The following UCK1 variants were observed in gnomAD, a reference collection of about 807,000 sequenced individuals.
The protein encoded by UCK1 is uridine-cytidine kinase 1, also known as cytidine monophosphokinase 1.
Under a neutral mutation model 34.0 loss-of-function variants are expected in UCK1, and 20 were observed. The ratio of observed to expected loss-of-function variants is 0.59; its 90% CI spans 0.41 to 0.86. The LOEUF is 0.86. UCK1 is among the 40% of genes least tolerant of loss of function. UCK1 has a pLI of 0.00. For synonymous variants in UCK1, 168 were observed against 155.9 expected (o/e 1.08, Z -0.58); for missense variants, 343 against 383.6 (o/e 0.89, Z 0.88).
Position 131,524,712 on chromosome 9 carries a change from C to A in UCK1, c.*328G>T. The A allele has an allele frequency of 3.8e-6, 1 of 264,352 alleles. No individual in the cohort carries two copies. Among genetic ancestry groups the A allele is most frequent in the African/African-American group, 2.3e-5 (1 of 44,202 alleles). The allele number at this position is 264,352 out of a possible 1,614,324, so 16.4% of individuals were successfully genotyped here. On this transcript the variant is annotated 3_prime_UTR_variant, in exon 7 of 7. Coordinates refer to ENST00000372215, the MANE Select transcript of UCK1 (RefSeq NM_031432.5). ...GGCCAGCCAGTGTCTAGGCTGTCTC[C>A]TCAATTTCCCCAATAATGTGCCTCA...
chr9:131,530,422 C>G, intron 2 of UCK1, 64 bp downstream of exon 2: 1 of 1,595,330 alleles, frequency 6.3e-7, no homozygotes, highest in South Asian at 1.1e-5. Flanking sequence ...GGCCCAAGCG[C>G]AGCTGGTTAG....
At chr9:131,527,795 T>C (rs1331795304) in intron 5 of UCK1, among the ~76,000 whole-genome samples, 1 of 152,098 alleles carries the variant, frequency 6.6e-6, no homozygotes, top group Non-Finnish European at 1.5e-5. Flanking sequence ...AAGGATCGCT[T>C]GAGCTTAGGA....
chr9:131,530,358 C>T, intron 2 of UCK1, 128 bp downstream of exon 2: 2 of 1,113,496 alleles, frequency 1.8e-6, no homozygotes, highest in Non-Finnish European at 2.6e-6. Context: ...CCACTGCAGG[C>T]TGCGTGGCGA....
At chr9:131,526,303 G>A (rs1488332879) in intron 5 of UCK1, 1 of 850,012 alleles carries the variant, frequency 1.2e-6, no homozygotes, top group African/African-American at 1.7e-5. Flanking sequence ...CAATTCACTG[G>A]GCCAAGCTAA....
rs760332604 is a variant in UCK1, at chr9:131,525,204, C to G, written c.670G>C (p.Val224Leu). The stretch of plus-strand genomic sequence containing the variant: ...TTCAGAATGTCCTGGATGTGCTGCA[C>G]GATCAGGTTGATGGCAACTGCGCCA... The part of the protein sequence containing the change: ...VDNMVAINLI[V>L]QHIQDILNGD... Residue 224 changes from valine to leucine, a missense_variant, in exon 7 of 7, where the codon GTG becomes CTG. Physicochemically the swap from Val to Leu is conservative, Grantham distance 32 (BLOSUM62 1). Transcript: ENST00000372215. 7 of 1,613,986 alleles carry G rather than the reference C, an allele frequency of 4.3e-6. No individual in the cohort carries two copies. The South Asian group carries it at 6.6e-5, about 15-fold the overall frequency.
At chr9:131,529,651 T>C in intron 2 of UCK1, 67 bp from the exon 3 acceptor site, 13 of 1,441,022 alleles carry the variant, frequency 9.0e-6, no homozygotes, top group Non-Finnish European at 1.2e-5. Context: ...GGGAACCCTC[T>C]CTGCTCTGGG....
chr9:131,527,567 A>T (rs1238329506), intron 5 of UCK1, among the ~76,000 whole-genome samples: 1 of 152,096 alleles, frequency 6.6e-6, no homozygotes, highest in Non-Finnish European at 1.5e-5. Context: ...AAAAAAAAAC[A>T]AAAGTTTTCT....
intron 5 of UCK1, 196 bp downstream of exon 5, chr9:131,528,748 C>T: frequency 3.0e-6 from 2 of 661,164 alleles, no homozygotes; most frequent in Non-Finnish European, 5.1e-6. Flanking sequence ...CTTTTTTAGG[C>T]AGAGGGAGGA....
At position 131,531,185 on chromosome 9, in the gene UCK1, G is replaced by A. The variant is rs1281908509; in HGVS notation, c.-11C>T. ...TCCCGCCGAAGCCATCTCGGCCTCC[G>A]CTCCCGCGCATCGGGTCCCCGCGCC... On this transcript the variant is annotated 5_prime_UTR_variant, in exon 1 of 7. Transcript: ENST00000372215. 4 of 1,395,712 alleles carry A rather than the reference G, an allele frequency of 2.9e-6. No homozygotes were observed. The highest frequency in any genetic ancestry group is 3.1e-5 in the Admixed American group (1 of 32,254). 86.5% of individuals were successfully genotyped at this position (1,395,712 alleles called of 1,614,324 possible). A position where few individuals can be genotyped will look rare whatever the true frequency, so the allele number is the denominator to read the frequency against.
intron 5 of UCK1, 112 bp from the exon 6 acceptor site, chr9:131,526,089 G>A (rs1950594822): frequency 8.0e-7 from 1 of 1,256,106 alleles, no homozygotes; most frequent in Non-Finnish European, 1.2e-6. Context: ...GTGCTCAGAG[G>A]TGCTGGTGTC....
intron 2 of UCK1, among the ~76,000 whole-genome samples, chr9:131,529,936 G>A (rs775913202): frequency 7.2e-5 from 11 of 152,244 alleles, no homozygotes; most frequent in Non-Finnish European, 1.3e-4. Flanking sequence ...CTGCGGCTTT[G>A]CAGGCCTTCT....
chr9:131,525,258 A>C, intron 6 of UCK1, 37 bp from the exon 7 acceptor site: 1 of 1,611,864 alleles, frequency 6.2e-7, no homozygotes, highest in Non-Finnish European at 8.5e-7. Context: ...GGTTAGCCGC[A>C]TCCATCCTCC....
At position 131,524,433 on chromosome 9, in the gene UCK1, A is replaced by C. The variant is rs1950499928; in HGVS notation, c.*607T>G. 1 of 152,210 alleles carries C rather than the reference A, an allele frequency of 6.6e-6. No homozygotes were observed. The highest frequency in any genetic ancestry group is 2.4e-5 in the African/African-American group (1 of 41,452). The allele number at this position is 152,210 out of a possible 1,614,324, so 9.4% of individuals were successfully genotyped here. A position where few individuals can be genotyped will look rare whatever the true frequency, so the allele number is the denominator to read the frequency against. Reference sequence around the variant, plus strand: ...TTTAAGGCACAAGCAAGGGGGGAAAACATCCCTCAGTGGCTCCCCATATCC... The same window carrying C: ...TTTAAGGCACAAGCAAGGGGGGAAACCATCCCTCAGTGGCTCCCCATATCC... On this transcript the variant is annotated 3_prime_UTR_variant, in exon 7 of 7. Transcript: ENST00000372215.
rs1403125477 is a variant in UCK1 at position 131,528,934 on chromosome 9, G to T, written c.603+10C>A. Reference sequence around the variant, plus strand: ...GGGAAAATGGGCTCTGAAGCAGCGAGCACAGGTACCGGCAGGCAGAACTCC... The same window carrying T: ...GGGAAAATGGGCTCTGAAGCAGCGATCACAGGTACCGGCAGGCAGAACTCC... On this transcript the variant is annotated intron_variant, in intron 5 of 6. Transcript: ENST00000372215. The T allele has an allele frequency of 1.9e-6, 3 of 1,613,774 alleles. No homozygotes were observed. Among genetic ancestry groups the T allele is most frequent in the East Asian group, 2.2e-5 (1 of 44,876 alleles).
At chr9:131,526,068 G>A in intron 5 of UCK1, 91 bp from the exon 6 acceptor site, 4 of 1,497,944 alleles carry the variant, frequency 2.7e-6, no homozygotes, top group Non-Finnish European at 1.9e-6. Context: ...AGCAGGAGGG[G>A]CGGCCCTGGG....
rs750723254 is a variant in UCK1, at chr9:131,530,568, C to T, written c.186G>A (p.Leu62=). ...GGACCTTGTAGAACCTGTCCTGGCTCAGGATGACCACCTTCCGCTGCCGCT... is the reference window on the plus strand; with the variant it reads ...GGACCTTGTAGAACCTGTCCTGGCTTAGGATGACCACCTTCCGCTGCCGCT... The part of the protein sequence containing the change: ...VEQRQRKVVI[L]SQDRFYKVLT... Residue 62 remains leucine, a synonymous_variant, in exon 2 of 7, where the codon CTG becomes CTA. Transcript: ENST00000372215. 3 of 1,614,118 alleles carry T rather than the reference C, an allele frequency of 1.9e-6. No individual in the cohort carries two copies. Among genetic ancestry groups the T allele is most frequent in the African/African-American group, 2.7e-5 (2 of 74,938 alleles).
In UCK1 at chr9:131,529,525, C is replaced by A. The variant is rs749188901; in HGVS notation, c.328G>T (p.Val110Leu). The change falls in exon 3 of 7, where the codon GTG (valine) becomes TTG (leucine). Residue 110 changes from valine (V) to leucine (L), a missense_variant. Physicochemically the swap from Val to Leu is conservative, Grantham distance 32. Coordinates refer to ENST00000372215, the MANE Select transcript of UCK1 (RefSeq NM_031432.5). ...ACAAAATCATAGGTCGGCACCTCCA[C>A]CGTTTTGCCCTCCACGATGTTCTTC... ...TLKNIVEGKTVEVPTYDFVTH... is the reference protein window; with the variant it reads ...TLKNIVEGKTLEVPTYDFVTH... The A allele has an allele frequency of 2.5e-5, 40 of 1,614,052 alleles. No homozygotes were observed. Among genetic ancestry groups the A allele is most frequent in the Non-Finnish European group, 3.1e-5 (36 of 1,180,042 alleles).
At chr9:131,525,288 G>A (rs548566217) in intron 6 of UCK1, 67 bp from the exon 7 acceptor site, 19 of 1,599,302 alleles carry the variant, frequency 1.2e-5, no homozygotes, top group East Asian at 1.1e-4. Context: ...GCCCCTCCCC[G>A]CAGCACTCGG....
In UCK1 at chr9:131,524,310, G is replaced by C. The variant is rs913420641; in HGVS notation, c.*730C>G. 1 of 152,362 alleles carries C rather than the reference G, an allele frequency of 6.6e-6. No individual in the cohort carries two copies. Among genetic ancestry groups the C allele is most frequent in the Non-Finnish European group, 1.5e-5 (1 of 68,130 alleles). The allele number at this position is 152,362 out of a possible 1,614,324, so 9.4% of individuals were successfully genotyped here. Reference sequence around the variant, plus strand: ...TCCAGCCGGGACAGACCTGGCCTCCGCTGCCTTCTGCCCTACTGCATGGGC... The same window carrying C: ...TCCAGCCGGGACAGACCTGGCCTCCCCTGCCTTCTGCCCTACTGCATGGGC... On this transcript the variant is annotated 3_prime_UTR_variant, in exon 7 of 7. Coordinates refer to ENST00000372215, the MANE Select transcript of UCK1 (RefSeq NM_031432.5).
Sources: gnomAD v4.1 joint callset for allele counts (sites outside exome capture counted in the v4.1 genomes callset) on GRCh38, gnomAD v4.1.1 for gene constraint, MANE v1.5 for transcripts, NCBI Gene and HGNC (gene_info 2026-07-23, HGNC 2026-07-21) for gene names.